Variants in EFNA5 observed in about 807,000 individuals in gnomAD.
The protein encoded by EFNA5 is ephrin-A5.
EFNA5 carries 5 observed loss-of-function variants against 22.9 expected under a neutral mutation model. The observed-to-expected ratio is 0.22, with a 90% CI of 0.11 to 0.46. The LOEUF (loss-of-function observed/expected upper bound fraction) is 0.46. EFNA5 is among the 20% of genes least tolerant of loss of function. EFNA5 has a pLI of 0.99. For synonymous variants in EFNA5, 113 were observed against 112.2 expected (o/e 1.01, Z -0.04); for missense variants, 237 against 293.3 (o/e 0.81, Z 1.40).
At chr5:107,503,034 T>C (rs1747169616) in intron 1 of EFNA5, among the ~76,000 whole-genome samples, 1 of 152,062 alleles carries the variant, frequency 6.6e-6, no homozygotes, top group African/African-American at 2.4e-5. Flanking sequence ...ATTGAGAACT[T>C]GGGTGGTGGA....
chr5:107,622,610 C>T lies in EFNA5; in HGVS notation c.125+47879G>A, dbSNP rs149539188. On this transcript the variant is annotated intron_variant, in intron 1 of 4. Transcript: ENST00000333274. ...GCTCAACTCCTTGCAAATCGGTTTA[C>T]CTACGTTCTCTAAGTCAAGCCTTGT... Among the ~76,000 whole-genome samples the T allele has an allele frequency of 6.6e-4, 101 of 152,238 alleles. 2 individuals are homozygous for T. The East Asian group carries it at 0.019, about 29-fold the overall frequency.
intron 1 of EFNA5, among the ~76,000 whole-genome samples, chr5:107,519,720 A>G (rs547915080): frequency 7.2e-5 from 11 of 152,378 alleles, no homozygotes; most frequent in African/African-American, 2.4e-4. Context: ...ACCATGACTT[A>G]GTCTAAAAAA....
chr5:107,387,981 T>C (rs1041941558), intron 2 of EFNA5, among the ~76,000 whole-genome samples: 1 of 152,220 alleles, frequency 6.6e-6, no homozygotes, highest in African/African-American at 2.4e-5. Context: ...GTTTCTCTTT[T>C]CAATACAATA....
At chr5:107,460,622 T>C (rs1749813034) in intron 1 of EFNA5, among the ~76,000 whole-genome samples, 1 of 152,138 alleles carries the variant, frequency 6.6e-6, no homozygotes, top group Non-Finnish European at 1.5e-5. Context: ...TCTTTTGTAA[T>C]TTAAAATGTG....
At chr5:107,611,571 A>C (rs1245702374) in intron 1 of EFNA5, among the ~76,000 whole-genome samples, 1 of 152,208 alleles carries the variant, frequency 6.6e-6, no homozygotes, top group Non-Finnish European at 1.5e-5. Flanking sequence ...TGACACACAT[A>C]CATCCAGAAG....
intron 1 of EFNA5, among the ~76,000 whole-genome samples, chr5:107,504,225 A>G (rs2112428347): frequency 6.6e-6 from 1 of 152,310 alleles, no homozygotes; most frequent in East Asian, 1.9e-4. Flanking sequence ...AAAGAGCTTC[A>G]TTCTTAAGGT....
intron 1 of EFNA5, among the ~76,000 whole-genome samples, chr5:107,513,914 G>A (rs188367795): frequency 3.3e-5 from 5 of 152,312 alleles, no homozygotes; most frequent in Admixed American, 3.3e-4. Flanking sequence ...GGAGGATGTT[G>A]CGAGGTAGGC....
intron 1 of EFNA5, among the ~76,000 whole-genome samples, chr5:107,527,996 A>C (rs1456837638): frequency 1.3e-5 from 2 of 152,214 alleles, no homozygotes; most frequent in Non-Finnish European, 2.9e-5. Context: ...AAATAAAATG[A>C]CTTTCAGGAA....
At chr5:107,433,360 T>A (rs767705688) in intron 1 of EFNA5, among the ~76,000 whole-genome samples, 10 of 152,232 alleles carry the variant, frequency 6.6e-5, no homozygotes, top group Non-Finnish European at 1.3e-4. Context: ...TCCTTTGCAA[T>A]CATCTCAAAT....
intron 1 of EFNA5, among the ~76,000 whole-genome samples, chr5:107,658,717 A>T (rs1049646431): frequency 6.6e-6 from 1 of 152,176 alleles, no homozygotes; most frequent in East Asian, 1.9e-4. Flanking sequence ...TTCATGGGCC[A>T]GCAGCATCAA....
intron 1 of EFNA5, among the ~76,000 whole-genome samples, chr5:107,485,071 A>AT (rs1420930924): frequency 1.3e-5 from 2 of 152,136 alleles, no homozygotes; most frequent in Admixed American, 6.5e-5. Flanking sequence ...AACAAAGCAG[A>AT]TTTTTTTAAA....
intron 1 of EFNA5, among the ~76,000 whole-genome samples, chr5:107,527,497 G>A (rs534933168): frequency 3.3e-5 from 5 of 152,070 alleles, no homozygotes; most frequent in East Asian, 1.9e-4. Context: ...ATGTTGGCCA[G>A]GCTTATCTTG....
intron 1 of EFNA5, among the ~76,000 whole-genome samples, chr5:107,620,726 G>A (rs879272486): frequency 3.9e-5 from 6 of 151,992 alleles, no homozygotes; most frequent in Non-Finnish European, 7.4e-5. Context: ...AATAGGATGG[G>A]GTAAAATAGA....
chr5:107,426,251 A>C (rs1030097601), intron 2 of EFNA5, among the ~76,000 whole-genome samples: 1 of 152,230 alleles, frequency 6.6e-6, no homozygotes, highest in African/African-American at 2.4e-5. Context: ...GTGAGAATAC[A>C]TGGGAAAGGC....
chr5:107,492,753 C>T (rs1364535158), intron 1 of EFNA5, among the ~76,000 whole-genome samples: 2 of 152,170 alleles, frequency 1.3e-5, no homozygotes, highest in Non-Finnish European at 2.9e-5. Context: ...AATCCCAGCA[C>T]CTTCGGAGGC....
intron 1 of EFNA5, among the ~76,000 whole-genome samples, chr5:107,430,280 C>CA (rs1748914001): frequency 6.6e-6 from 1 of 152,090 alleles, no homozygotes; most frequent in Admixed American, 6.5e-5. Flanking sequence ...CATCAGCACT[C>CA]AGAGTAGCCT....
At chr5:107,409,218 T>C (rs1050814006) in intron 2 of EFNA5, among the ~76,000 whole-genome samples, 1 of 152,350 alleles carries the variant, frequency 6.6e-6, no homozygotes. Flanking sequence ...TCTTTCGTCT[T>C]TGGATCACCA....
rs1035526325 is a variant in EFNA5, at chr5:107,530,402, G to A, written c.126-102893C>T. On this transcript the variant is annotated intron_variant, in intron 1 of 4. Coordinates refer to ENST00000333274, the MANE Select transcript of EFNA5 (RefSeq NM_001962.3). ...CCACGCCAAATTTCAAGTGGGTGGG[G>A]GAGTGTAATTCAACTATACACCTGG... Among the ~76,000 whole-genome samples, 7 of 152,254 alleles carry A rather than the reference G, an allele frequency of 4.6e-5. No homozygotes were observed. In the South Asian group the frequency reaches 1.2e-3, roughly 27 times the overall value.
intron 1 of EFNA5, among the ~76,000 whole-genome samples, chr5:107,563,943 A>C (rs551120900): frequency 1.3e-5 from 2 of 152,274 alleles, no homozygotes; most frequent in South Asian, 4.1e-4. Flanking sequence ...CCTGGTACAA[A>C]CAACTTCTCA....
Sources: gnomAD v4.1 joint callset for allele counts (sites outside exome capture counted in the v4.1 genomes callset) on GRCh38, gnomAD v4.1.1 for gene constraint, MANE v1.5 for transcripts, NCBI Gene and HGNC (gene_info 2026-07-23, HGNC 2026-07-21) for gene names.